DISC1: variants seen among roughly 807,000 people sequenced by gnomAD.
The protein encoded by DISC1 is disrupted in schizophrenia 1 protein.
A neutral mutation model predicts 84.5 loss-of-function variants in DISC1; 57 were observed. The ratio of observed to expected loss-of-function variants is 0.67; its 90% CI spans 0.55 to 0.84. The LOEUF (loss-of-function observed/expected upper bound fraction) is 0.84, where lower values mean the gene tolerates loss of function less well. DISC1 is among the 40% of genes least tolerant of loss of function. DISC1 has a pLI of 0.00. For missense variants in DISC1, 1,000 were observed against 1,057.8 expected (o/e 0.95, Z 0.76); for synonymous variants, 411 against 415.2 (o/e 0.99, Z 0.12).
In DISC1 at chr1:231,925,448, G is replaced by A. The variant is rs145604700; in HGVS notation, c.1982-33380G>A. Among the ~76,000 whole-genome samples, 135 of 152,226 alleles carry A rather than the reference G, an allele frequency of 8.9e-4. 1 individual carries two copies. The highest frequency in any genetic ancestry group is 3.1e-3 in the African/African-American group (129 of 41,542). ...AGTGCAGCTGAATGGCTGCTACCAGGGATATTACCCAGATGTTCACAGGTC... is the reference window on the plus strand; with the variant it reads ...AGTGCAGCTGAATGGCTGCTACCAGAGATATTACCCAGATGTTCACAGGTC... On this transcript the variant is annotated intron_variant, in intron 9 of 12. Transcript: ENST00000439617.
intron 10 of DISC1, among the ~76,000 whole-genome samples, chr1:231,989,079 T>A (rs948688276): frequency 2.6e-5 from 4 of 152,228 alleles, no homozygotes; most frequent in Non-Finnish European, 4.4e-5. Context: ...CTTGCTATCA[T>A]TTTCCTTGCC....
At chr1:231,806,607 G>A (rs1267456103) in intron 8 of DISC1, among the ~76,000 whole-genome samples, 3 of 152,266 alleles carry the variant, frequency 2.0e-5, no homozygotes. Flanking sequence ...ACTGCCCAAT[G>A]TAGGAGGTTT....
intron 8 of DISC1, among the ~76,000 whole-genome samples, chr1:231,800,595 G>A (rs1483497471): frequency 6.6e-6 from 1 of 152,076 alleles, no homozygotes; most frequent in Non-Finnish European, 1.5e-5. Context: ...TGAAAATCTA[G>A]TCATAGAAAC....
At chr1:231,704,964 A>C (rs891262695) in intron 3 of DISC1, among the ~76,000 whole-genome samples, 5 of 152,042 alleles carry the variant, frequency 3.3e-5, no homozygotes, top group Admixed American at 2.6e-4. Flanking sequence ...CTGCATCTCA[A>C]GGAGTATGCA....
intron 9 of DISC1, among the ~76,000 whole-genome samples, chr1:231,823,420 G>A (rs749944274): frequency 2.0e-5 from 3 of 152,152 alleles, no homozygotes; most frequent in Admixed American, 6.5e-5. Context: ...TAATTATTTG[G>A]TTGAGAATAT....
chr1:231,722,651 C>A (rs1419173458), intron 3 of DISC1: 1 of 1,612,980 alleles, frequency 6.2e-7, no homozygotes, highest in Admixed American at 1.7e-5. Flanking sequence ...ATCCACACAG[C>A]GTAGATCATG....
At chr1:231,685,542 T>A (rs1331736972) in intron 1 of DISC1, among the ~76,000 whole-genome samples, 1 of 152,132 alleles carries the variant, frequency 6.6e-6, no homozygotes, top group Non-Finnish European at 1.5e-5. Context: ...AACCTCTGCC[T>A]CCTGGGTTCA....
At chr1:231,740,209 A>G (rs979117442) in intron 3 of DISC1, among the ~76,000 whole-genome samples, 3 of 152,206 alleles carry the variant, frequency 2.0e-5, no homozygotes, top group Admixed American at 6.5e-5. Context: ...CTGTAATAGC[A>G]TCACCAACCG....
intron 8 of DISC1, 118 bp from the exon 9 acceptor site, chr1:231,818,211 C>A: frequency 9.5e-7 from 1 of 1,048,234 alleles, no homozygotes; most frequent in Non-Finnish European, 1.5e-6. Context: ...TGTACATAAT[C>A]TCAAAGTGCA....
intron 9 of DISC1, among the ~76,000 whole-genome samples, chr1:231,835,700 A>G (rs2082580696): frequency 6.6e-6 from 1 of 152,148 alleles, no homozygotes; most frequent in Non-Finnish European, 1.5e-5. Flanking sequence ...GGAGGCACCT[A>G]GTGGTTTTCT....
In DISC1 at chr1:231,630,176, G is replaced by A. The variant is rs558197372; in HGVS notation, c.67+3242G>A. 6.6e-6 allele frequency among the ~76,000 whole-genome samples: 1 copy of A among 151,974 alleles called. No homozygotes were observed. Among genetic ancestry groups the A allele is most frequent in the Non-Finnish European group, 1.5e-5 (1 of 68,004 alleles). On this transcript the variant is annotated intron_variant, in intron 1 of 12. Transcript: ENST00000439617. This position sits in a 1 kb window ranked among gnomAD's most constrained non-coding sequence, Gnocchi z 4.4. The stretch of plus-strand genomic sequence containing the variant: ...GATCTCCTGACCTTGTAATCTGCCC[G>A]CCTCAGCCTCCCAAAGTGCTGGGAT...
intron 12 of DISC1, among the ~76,000 whole-genome samples, chr1:232,034,621 C>T (rs1197048495): frequency 1.3e-5 from 2 of 152,182 alleles, no homozygotes; most frequent in African/African-American, 4.8e-5. Context: ...TTCAAGTTCT[C>T]TCTCTAAAAA....
intron 10 of DISC1, among the ~76,000 whole-genome samples, chr1:231,959,984 G>A (rs1660155213): frequency 6.6e-6 from 1 of 152,118 alleles, no homozygotes; most frequent in Non-Finnish European, 1.5e-5. Context: ...AGTTACATTA[G>A]GTTATCAGGC....
chr1:231,633,752 T>A (rs1222712138), intron 1 of DISC1, among the ~76,000 whole-genome samples: 1 of 152,206 alleles, frequency 6.6e-6, no homozygotes, highest in African/African-American at 2.4e-5. Context: ...TGGAGACTAA[T>A]CGCTTTCACA....
chr1:231,735,823 A>AT (rs905969645), intron 3 of DISC1, among the ~76,000 whole-genome samples: 14 of 151,994 alleles, frequency 9.2e-5, no homozygotes, highest in Non-Finnish European at 1.6e-4. Flanking sequence ...TTTTAGTTTG[A>AT]TTTTTTTGAG....
Position 231,741,149 on chromosome 1 carries a change from C to T in DISC1, c.1118-8777C>T, listed in dbSNP as rs147045499. Among the ~76,000 whole-genome samples, 145 of 152,234 alleles carry T rather than the reference C, an allele frequency of 9.5e-4. 1 individual carries two copies. Among genetic ancestry groups the T allele is most frequent in the African/African-American group, 3.2e-3 (133 of 41,554 alleles). On this transcript the variant is annotated intron_variant, in intron 3 of 12. Coordinates refer to ENST00000439617, the MANE Select transcript of DISC1 (RefSeq NM_018662.3). ...CATCCTTGCAGAAGTGCTGACAACT[C>T]GGGCTAGGCTGGGGACAGTAGAAAT... is the stretch of plus-strand genomic sequence containing the variant.
chr1:231,916,098 C>T (rs558958864), intron 9 of DISC1, among the ~76,000 whole-genome samples: 1 of 152,124 alleles, frequency 6.6e-6, no homozygotes, highest in Non-Finnish European at 1.5e-5. Flanking sequence ...TCACTAACTT[C>T]CTTTAAGAAA....
At chr1:231,786,906 C>A (rs568612318) in intron 6 of DISC1, among the ~76,000 whole-genome samples, 1 of 152,178 alleles carries the variant, frequency 6.6e-6, no homozygotes, top group Non-Finnish European at 1.5e-5. Flanking sequence ...CAGGAAGGCA[C>A]TTCTCGTTTT....
chr1:231,631,424 G>C (rs926688638), intron 1 of DISC1, among the ~76,000 whole-genome samples: 1 of 152,132 alleles, frequency 6.6e-6, no homozygotes, highest in Non-Finnish European at 1.5e-5. Flanking sequence ...CCTCAGGCAG[G>C]TCCTTCAGGA....
Sources: allele counts gnomAD v4.1 joint callset (sites outside exome capture counted in the v4.1 genomes callset), GRCh38; gene constraint gnomAD v4.1.1; non-coding constraint Gnocchi (gnomAD v3.1); transcripts MANE v1.5; gene names NCBI Gene and HGNC (gene_info 2026-07-23, HGNC 2026-07-21).